The following DMTF1 variants were observed in gnomAD, a reference collection of about 807,000 sequenced individuals.
DMTF1 encodes cyclin-D-binding Myb-like transcription factor 1.
Under a neutral mutation model 91.1 loss-of-function variants are expected in DMTF1, and 39 were observed. The ratio of observed to expected loss-of-function variants is 0.43; its 90% CI spans 0.33 to 0.56. The LOEUF is 0.56. DMTF1 is among the 20% of genes least tolerant of loss of function. The probability of loss-of-function intolerance (pLI) is 0.05; values close to 1 mark genes in which losing one functional copy is unlikely to be tolerated. For synonymous variants in DMTF1, 338 were observed against 309.5 expected (o/e 1.09, Z -0.97); for missense variants, 750 against 914.5 (o/e 0.82, Z 2.32).
intron 1 of DMTF1, among the ~76,000 whole-genome samples, chr7:87,159,669 T>C (rs1487733405): frequency 1.3e-5 from 2 of 152,228 alleles, no homozygotes; most frequent in Non-Finnish European, 2.9e-5. Context: ...TATAACCCAT[T>C]ACAAAGAAGG....
Position 87,173,644 on chromosome 7 carries a change from A to G in DMTF1, c.437A>G (p.Asn146Ser), listed in dbSNP as rs1479251402. 3 of 1,601,808 alleles carry G rather than the reference A, an allele frequency of 1.9e-6. No individual in the cohort carries two copies. Among genetic ancestry groups the G allele is most frequent in the Non-Finnish European group, 2.6e-6 (3 of 1,171,184 alleles). Residue 146 changes from asparagine (N) to serine (S), a missense_variant, in exon 6 of 18, where the codon AAT becomes AGT. Asn to Ser is a conservative substitution (Grantham distance 46). Around this residue, in one of 3 missense-constraint regions of DMTF1, gnomAD observed 190 missense variants for 343.8 expected, o/e 0.55. Transcript: ENST00000331242. ...AAAGAAGATAAGGATTCTCTGACTA[A>G]TAAAGGTAAGATAACACTGTGAATT... ...TTKEDKDSLT[N>S]KGHKWKQGMW... is the part of the protein sequence containing the mutation.
chr7:87,154,913 C>CA (rs1355977570), intron 1 of DMTF1, among the ~76,000 whole-genome samples: 1 of 152,090 alleles, frequency 6.6e-6, no homozygotes, highest in Non-Finnish European at 1.5e-5. Flanking sequence ...ACCTCCTCCG[C>CA]AAAAAATCTT....
At chr7:87,194,300 C>G (rs1229582105) in intron 16 of DMTF1, 198 bp downstream of exon 16, 7 of 583,488 alleles carry the variant, frequency 1.2e-5, no homozygotes, top group Non-Finnish European at 2.0e-5. Context: ...CATGTTCTAT[C>G]TTACCACAGT....
chr7:87,192,267 A>T (rs570465640), intron 14 of DMTF1, among the ~76,000 whole-genome samples: 1 of 152,246 alleles, frequency 6.6e-6, no homozygotes, highest in African/African-American at 2.4e-5. Flanking sequence ...AACACATATA[A>T]TATATACATG....
chr7:87,186,065 C>G (rs1798348850), intron 12 of DMTF1, 85 bp downstream of exon 12: 42 of 1,442,706 alleles, frequency 2.9e-5, no homozygotes, highest in Non-Finnish European at 4.0e-5. Flanking sequence ...GTTCTTTGCC[C>G]CAGCTAGAGA....
chr7:87,179,814 A>G (rs746737910), intron 8 of DMTF1, 112 bp downstream of exon 8: 1 of 1,007,520 alleles, frequency 9.9e-7, no homozygotes, highest in Non-Finnish European at 1.4e-6. Context: ...TGTTGTTAAT[A>G]TTTTTATCCT....
At chr7:87,166,697 G>T in intron 4 of DMTF1, 92 bp downstream of exon 4, 1 of 1,259,754 alleles carries the variant, frequency 7.9e-7, no homozygotes, top group Non-Finnish European at 1.1e-6. Flanking sequence ...AATAGACTTG[G>T]ACTTACTGCT....
chr7:87,160,662 G>A (rs1562779107), intron 1 of DMTF1, among the ~76,000 whole-genome samples: 1 of 152,056 alleles, frequency 6.6e-6, no homozygotes, highest in Non-Finnish European at 1.5e-5. Context: ...AACTACTTTT[G>A]TTAAAGGCAC....
At chr7:87,185,531 T>C (rs1798219673) in intron 11 of DMTF1, among the ~76,000 whole-genome samples, 1 of 152,258 alleles carries the variant, frequency 6.6e-6, no homozygotes, top group Non-Finnish European at 1.5e-5. Context: ...TCTGTTCTTA[T>C]TCTAACCTTT....
At chr7:87,193,102 G>T (rs555911422) in intron 14 of DMTF1, 96 bp from the exon 15 acceptor site, 7 of 1,306,416 alleles carry the variant, frequency 5.4e-6, no homozygotes, top group Non-Finnish European at 7.6e-6. Flanking sequence ...TTCACAATGG[G>T]TAAGTACATT....
At position 87,174,612 on chromosome 7, in the gene DMTF1, G is replaced by T. The variant is rs746481922; in HGVS notation, c.462G>T (p.Gly154=). Residue 154 remains glycine, a synonymous_variant, in exon 7 of 18, where the codon GGG becomes GGT. Coordinates refer to ENST00000331242, the MANE Select transcript of DMTF1 (RefSeq NM_001142327.2). ...TTAAAGGACATAAATGGAAGCAGGG[G>T]ATGTGGTCCAAGGAAGAAATTGATA... The part of the protein sequence containing the change: ...LTNKGHKWKQ[G]MWSKEEIDIL... The T allele has an allele frequency of 6.2e-7, 1 of 1,609,618 alleles. No individual in the cohort carries two copies. Among genetic ancestry groups the T allele is most frequent in the African/African-American group, 1.3e-5 (1 of 74,756 alleles).
chr7:87,184,807 T>TTTTTTTTTTTTAG, intron 11 of DMTF1, 182 bp downstream of exon 11: 1 of 315,856 alleles, frequency 3.2e-6, no homozygotes. Flanking sequence ...TGTTTGTTCC[T>TTTTTTTTTTTTAG]TTTTTTTTTT....
intron 3 of DMTF1, 21 bp downstream of exon 3, chr7:87,165,071 A>G (rs374198282): frequency 9.0e-6 from 14 of 1,546,994 alleles, no homozygotes; most frequent in African/African-American, 1.4e-5. Context: ...TTGCTGACAT[A>G]TAATTCTGAC....
intron 7 of DMTF1, among the ~76,000 whole-genome samples, chr7:87,177,253 A>C (rs868093128): frequency 8.5e-5 from 13 of 152,096 alleles, no homozygotes; most frequent in African/African-American, 3.1e-4. Context: ...CATTGTGCAA[A>C]TGTGCAAGTT....
At chr7:87,153,621 T>C (rs1789912643) in intron 1 of DMTF1, among the ~76,000 whole-genome samples, 1 of 152,228 alleles carries the variant, frequency 6.6e-6, no homozygotes, top group South Asian at 2.1e-4. Flanking sequence ...CATTCATCTT[T>C]GTGTACCTCT....
At chr7:87,170,642 A>G (rs1465202542) in intron 4 of DMTF1, among the ~76,000 whole-genome samples, 2 of 152,112 alleles carry the variant, frequency 1.3e-5, no homozygotes, top group African/African-American at 2.4e-5. Context: ...TTCAAATACT[A>G]TCCTCCACCC....
intron 14 of DMTF1, 104 bp downstream of exon 14, chr7:87,191,131 AAATG>A (rs1584462929): frequency 2.8e-6 from 2 of 717,418 alleles, no homozygotes; most frequent in East Asian, 2.8e-5. Context: ...GTCTGAGGCC[AAATG>A]AATGGTAGAC....
intron 13 of DMTF1, 164 bp from the exon 14 acceptor site, chr7:87,190,781 A>T: frequency 5.6e-6 from 1 of 178,422 alleles, no homozygotes; most frequent in Non-Finnish European, 1.1e-5. Flanking sequence ...CAAATTCATT[A>T]GATTCCTTAT....
At chr7:87,180,855 A>ATTTT in intron 8 of DMTF1, among the ~76,000 whole-genome samples, 1 of 146,248 alleles carries the variant, frequency 6.8e-6, no homozygotes, top group Non-Finnish European at 1.5e-5. Flanking sequence ...TTTATTTTCA[A>ATTTT]CTTTTTTTTT....
Sources: allele counts gnomAD v4.1 joint callset (sites outside exome capture counted in the v4.1 genomes callset), GRCh38; gene constraint gnomAD v4.1.1; regional missense constraint gnomAD v4.1.1; transcripts MANE v1.5; gene names NCBI Gene and HGNC (gene_info 2026-07-23, HGNC 2026-07-21).